APBA1: variants seen among roughly 807,000 people sequenced by gnomAD.
APBA1 encodes amyloid-beta A4 precursor protein-binding family A member 1.
A neutral mutation model predicts 86.6 loss-of-function variants in APBA1; 55 were observed. The ratio of observed to expected loss-of-function variants is 0.64; its 90% CI spans 0.51 to 0.80. The LOEUF (loss-of-function observed/expected upper bound fraction) is 0.80, where lower values mean the gene tolerates loss of function less well. Among genes scored for constraint, APBA1 ranks in the 30% least tolerant of loss-of-function variants. The pLI is 0.00. For missense variants in APBA1, 1,090 were observed against 1,183.0 expected (o/e 0.92, Z 1.15); for synonymous variants, 511 against 493.9 (o/e 1.03, Z -0.46).
At chr9:69,541,604 GTGAA>G (rs1836615556) in intron 1 of APBA1, among the ~76,000 whole-genome samples, 1 of 149,560 alleles carries the variant, frequency 6.7e-6, no homozygotes, top group African/African-American at 2.5e-5. Flanking sequence ...ATACTTTTGA[GTGAA>G]TGAATGAAGA....
chr9:69,476,428 T>G (rs1671233039), intron 2 of APBA1, among the ~76,000 whole-genome samples: 2 of 152,278 alleles, frequency 1.3e-5, no homozygotes, highest in African/African-American at 4.8e-5. Context: ...AGGTTGAAAT[T>G]AAAAAATCCT....
chr9:69,670,986 CA>C (rs1823937967), intron 1 of APBA1, among the ~76,000 whole-genome samples: 1 of 152,120 alleles, frequency 6.6e-6, no homozygotes, highest in African/African-American at 2.4e-5. Flanking sequence ...GGGCACCAAA[CA>C]TTTCTCCGTG....
intron 1 of APBA1, among the ~76,000 whole-genome samples, chr9:69,591,827 G>A (rs1463959933): frequency 6.6e-6 from 1 of 152,214 alleles, no homozygotes; most frequent in African/African-American, 2.4e-5. Flanking sequence ...CCTTTCCCAT[G>A]TGATAGGTAC....
intron 1 of APBA1, among the ~76,000 whole-genome samples, chr9:69,650,207 C>T (rs1254736350): frequency 6.6e-6 from 1 of 152,188 alleles, no homozygotes; most frequent in Non-Finnish European, 1.5e-5. Context: ...GCTTCAGTGT[C>T]CTCATCTGCA....
At position 69,516,489 on chromosome 9, in the gene APBA1, C is replaced by A; in HGVS notation, c.722G>T (p.Arg241Leu). ...GGGGCTGTCGGACTCGCCGTCGGAG[C>A]GCTCGTCGTAATGGTGCAGCCGCGC... The part of the protein sequence containing the change: ...LGARLHHYDE[R>L]SDGESDSPEK... The change falls in exon 2 of 13, where the codon CGC (arginine) becomes CTC (leucine). Residue 241 changes from arginine (R) to leucine (L), a missense_variant. Transcript: ENST00000265381. This position sits in a 1 kb window ranked among gnomAD's most constrained non-coding sequence, Gnocchi z 7.3. 2 of 1,599,060 alleles carry A rather than the reference C, an allele frequency of 1.3e-6. No individual in the cohort carries two copies. The highest frequency in any genetic ancestry group is 1.7e-6 in the Non-Finnish European group (2 of 1,178,076).
intron 1 of APBA1, among the ~76,000 whole-genome samples, chr9:69,612,691 T>C (rs1026484159): frequency 3.3e-5 from 5 of 152,052 alleles, no homozygotes; most frequent in East Asian, 1.9e-4. Context: ...AAATTATGTA[T>C]ACAAAATGTA....
Position 69,456,406 on chromosome 9 carries a change from C to A in APBA1, c.1629G>T (p.Arg543Ser). 6.2e-7 allele frequency: 1 copy of A among 1,606,458 alleles called. No homozygotes were observed. The highest frequency in any genetic ancestry group is 8.5e-7 in the Non-Finnish European group (1 of 1,175,486). The change falls in exon 8 of 13, where the codon AGG (arginine) becomes AGT (serine). Residue 543 changes from arginine to serine, a missense_variant. Arg to Ser is a moderately radical substitution (Grantham distance 110, BLOSUM62 -1). This residue lies in a region of APBA1 where 103 missense variants were observed against 91.9 expected (regional missense o/e 1.12). Transcript: ENST00000265381. ...TQETMMDHPL[R>S]TISYIADIGN... ...CAATGTCCGCAATGTAGGAAATGGT[C>A]CTCAGAGGGTGGTCCATCATTGTCT...
intron 1 of APBA1, among the ~76,000 whole-genome samples, chr9:69,578,558 C>T (rs1821852179): frequency 6.6e-6 from 1 of 152,174 alleles, no homozygotes; most frequent in African/African-American, 2.4e-5. Context: ...GTTTTACAGA[C>T]TTTAAATTAA....
chr9:69,658,334 C>CTTTCTT lies in APBA1; in HGVS notation c.-70+13813_-70+13818dup, dbSNP rs1823678512. Among the ~76,000 whole-genome samples the CTTTCTT allele has an allele frequency of 3.6e-5, 5 of 140,056 alleles. No individual in the cohort carries two copies. The Admixed American group carries it at 3.7e-4, about 10-fold the overall frequency. The allele number at this position is 140,056 out of a possible 152,430, so 91.9% of individuals were successfully genotyped here. On this transcript the variant is annotated intron_variant, in intron 1 of 12. Coordinates refer to ENST00000265381, the MANE Select transcript of APBA1 (RefSeq NM_001163.4). ...TCTTTCTTTCTTTCTTTCTTTCTTT[C>CTTTCTT]TTTCTTTCTTTCTTTCTTTCTTTCT...
At chr9:69,604,241 T>TGCACACAC (rs1822414935) in intron 1 of APBA1, among the ~76,000 whole-genome samples, 1 of 128,982 alleles carries the variant, frequency 7.8e-6, no homozygotes, top group African/African-American at 3.0e-5. Flanking sequence ...TGGGCACGCA[T>TGCACACAC]ATGAGGGTAA....
At chr9:69,527,895 C>T (rs944111325) in intron 1 of APBA1, among the ~76,000 whole-genome samples, 4 of 152,112 alleles carry the variant, frequency 2.6e-5, no homozygotes, top group Non-Finnish European at 2.9e-5. Flanking sequence ...TAAAGGGTAT[C>T]ATCCAGGTAA....
chr9:69,600,357 T>A (rs1415025626), intron 1 of APBA1, among the ~76,000 whole-genome samples: 2 of 152,192 alleles, frequency 1.3e-5, no homozygotes, highest in Non-Finnish European at 2.9e-5. Flanking sequence ...TGCTTCCTCA[T>A]CTGTAAAATG....
intron 2 of APBA1, among the ~76,000 whole-genome samples, chr9:69,484,670 C>T (rs1308346248): frequency 6.6e-6 from 1 of 152,154 alleles, no homozygotes; most frequent in African/African-American, 2.4e-5. Flanking sequence ...GTGTAATCAT[C>T]TGTTCACGTT....
intron 1 of APBA1, among the ~76,000 whole-genome samples, chr9:69,558,238 A>G (rs553938913): frequency 6.6e-6 from 1 of 151,996 alleles, no homozygotes; most frequent in South Asian, 2.1e-4. Context: ...GCTTTGTGTT[A>G]TTTGGCTTTG....
chr9:69,454,760 C>T (rs1386599055), intron 8 of APBA1, among the ~76,000 whole-genome samples: 1 of 152,134 alleles, frequency 6.6e-6, no homozygotes, highest in Non-Finnish European at 1.5e-5. Flanking sequence ...GCGGGGCCTA[C>T]AGGGATCCTC....
intron 1 of APBA1, among the ~76,000 whole-genome samples, chr9:69,567,754 G>T (rs1226585999): frequency 1.3e-5 from 2 of 152,190 alleles, no homozygotes; most frequent in Non-Finnish European, 2.9e-5. Context: ...CCTGTCAGGA[G>T]GAGGTGCAGG....
chr9:69,636,960 AAAG>A (rs1241297977), intron 1 of APBA1, among the ~76,000 whole-genome samples: 1 of 151,484 alleles, frequency 6.6e-6, no homozygotes, highest in East Asian at 1.9e-4. Context: ...AGAAAGAAAG[AAAG>A]AAAGAAAGAA....
At chr9:69,496,090 G>A (rs964528227) in intron 2 of APBA1, among the ~76,000 whole-genome samples, 5 of 152,090 alleles carry the variant, frequency 3.3e-5, no homozygotes, top group African/African-American at 1.2e-4. Context: ...GACCAGACCA[G>A]AGAAAGGTCA....
At chr9:69,557,074 T>C (rs1319527318) in intron 1 of APBA1, among the ~76,000 whole-genome samples, 1 of 152,174 alleles carries the variant, frequency 6.6e-6, no homozygotes, top group East Asian at 1.9e-4. Context: ...GATGAACAAA[T>C]TAGGAGGCTA....
Sources: gnomAD v4.1 joint callset for allele counts (sites outside exome capture counted in the v4.1 genomes callset) on GRCh38, gnomAD v4.1.1 for gene constraint, gnomAD v4.1.1 regional missense constraint, Gnocchi (gnomAD v3.1) non-coding constraint, MANE v1.5 for transcripts, NCBI Gene and HGNC (gene_info 2026-07-23, HGNC 2026-07-21) for gene names.